TMEM108: variants seen among roughly 807,000 people sequenced by gnomAD.
TMEM108 encodes the protein transmembrane protein 108.
A neutral mutation model predicts 35.1 loss-of-function variants in TMEM108; 12 were observed. The ratio of observed to expected loss-of-function variants is 0.34; its 90% confidence interval spans 0.22 to 0.55. TMEM108 has a LOEUF of 0.55. Ranked by LOEUF, TMEM108 falls within the 20% of genes least tolerant of loss-of-function variation. The pLI, the probability that TMEM108 is intolerant of heterozygous loss-of-function variation, is 0.89. For missense variants in TMEM108, 680 were observed against 753.3 expected (o/e 0.90, Z 1.14); for synonymous variants, 287 against 308.6 (o/e 0.93, Z 0.73).
chr3:133,267,396 A>C (rs1446975868), intron 3 of TMEM108, among the ~76,000 whole-genome samples: 1 of 152,172 alleles, frequency 6.6e-6, no homozygotes, highest in Non-Finnish European at 1.5e-5. Flanking sequence ...AACGTCAATT[A>C]AGGCTTCCTG....
intron 3 of TMEM108, among the ~76,000 whole-genome samples, chr3:133,312,918 C>T (rs2071152462): frequency 6.6e-6 from 1 of 152,164 alleles, no homozygotes; most frequent in Non-Finnish European, 1.5e-5. Flanking sequence ...CTTACAGAAC[C>T]ACAGTAGAAT....
chr3:133,208,923 G>A (rs1945796789), intron 2 of TMEM108, among the ~76,000 whole-genome samples: 2 of 152,150 alleles, frequency 1.3e-5, no homozygotes, highest in African/African-American at 2.4e-5. Flanking sequence ...AGAGAAAATA[G>A]GGCATGATTC....
chr3:133,084,304 T>C (rs1943853091), intron 2 of TMEM108, among the ~76,000 whole-genome samples: 1 of 152,222 alleles, frequency 6.6e-6, no homozygotes, highest in Non-Finnish European at 1.5e-5. Flanking sequence ...TGCTTGATTT[T>C]TCCCTTCAAA....
chr3:133,134,516 T>G (rs943424458), intron 2 of TMEM108, among the ~76,000 whole-genome samples: 3 of 152,178 alleles, frequency 2.0e-5, no homozygotes, highest in African/African-American at 7.2e-5. Flanking sequence ...CCTAAAATGC[T>G]TGTAATTTCC....
intron 3 of TMEM108, among the ~76,000 whole-genome samples, chr3:133,364,190 G>C (rs1456943930): frequency 6.6e-6 from 1 of 152,252 alleles, no homozygotes; most frequent in African/African-American, 2.4e-5. Flanking sequence ...AATTGGGAGA[G>C]AGAAGTTTGA....
chr3:133,047,712 A>G (rs1003325931), intron 2 of TMEM108, among the ~76,000 whole-genome samples: 10 of 151,864 alleles, frequency 6.6e-5, no homozygotes, highest in Non-Finnish European at 4.4e-5. Context: ...CTGAAGGGAT[A>G]TAGTGATTCA....
chr3:133,046,898 G>A (rs1460873220), intron 2 of TMEM108, among the ~76,000 whole-genome samples: 1 of 152,116 alleles, frequency 6.6e-6, no homozygotes, highest in East Asian at 1.9e-4. Context: ...AAGCAGCTTG[G>A]CTCAATACTG....
intron 2 of TMEM108, among the ~76,000 whole-genome samples, chr3:133,180,883 A>G (rs1427729323): frequency 1.3e-5 from 2 of 151,938 alleles, no homozygotes; most frequent in African/African-American, 4.8e-5. Context: ...GCCTCCCAGT[A>G]AATTCCAATT....
At position 133,230,018 on chromosome 3, in the gene TMEM108, A is replaced by C. The variant is rs141486933; in HGVS notation, c.40+667A>C. 4.2e-3 allele frequency among the ~76,000 whole-genome samples: 642 copies of C among 152,362 alleles called. 8 individuals carry two copies. The highest frequency in any genetic ancestry group is 0.015 in the African/African-American group (626 of 41,590). ...ATTAGAATTGCTACTGAATGAATGT[A>C]AAAGCCAAAACCAATTGGTGGGTTT... On this transcript the variant is annotated intron_variant, in intron 3 of 5. Transcript: ENST00000321871.
intron 3 of TMEM108, among the ~76,000 whole-genome samples, chr3:133,266,219 G>A (rs1319899260): frequency 1.3e-5 from 2 of 151,726 alleles, no homozygotes; most frequent in African/African-American, 4.9e-5. Flanking sequence ...TTGTTTGTTT[G>A]TTTTACTAAT....
intron 3 of TMEM108, among the ~76,000 whole-genome samples, chr3:133,326,173 C>T (rs1049666291): frequency 5.3e-5 from 8 of 152,284 alleles, no homozygotes; most frequent in African/African-American, 1.7e-4. Flanking sequence ...CTGCCACTTC[C>T]GTAAGTGCTG....
intron 3 of TMEM108, among the ~76,000 whole-genome samples, chr3:133,316,529 T>A (rs916250238): frequency 3.3e-5 from 5 of 152,084 alleles, no homozygotes; most frequent in Non-Finnish European, 7.4e-5. Flanking sequence ...CTAGTGCTTG[T>A]CGAAAAAGGT....
intron 2 of TMEM108, among the ~76,000 whole-genome samples, chr3:133,225,288 C>T (rs13083001): frequency 0.76 from 116,157 of 151,936 alleles, 44,628 homozygotes; most frequent in East Asian, 0.95. Flanking sequence ...CCTCGTGATC[C>T]ACCCACCTTG....
intron 3 of TMEM108, among the ~76,000 whole-genome samples, chr3:133,342,978 G>A (rs980360219): frequency 6.6e-6 from 1 of 151,646 alleles, no homozygotes; most frequent in Non-Finnish European, 1.5e-5. Flanking sequence ...ACCCTGATTT[G>A]GTTATTACAC....
chr3:133,392,215 T>C (rs1033325685), intron 5 of TMEM108, among the ~76,000 whole-genome samples: 1 of 151,508 alleles, frequency 6.6e-6, no homozygotes, highest in African/African-American at 2.4e-5. Flanking sequence ...CAGACTGGAG[T>C]GCAGTGGTGT....
At chr3:133,321,106 C>T (rs1327463971) in intron 3 of TMEM108, among the ~76,000 whole-genome samples, 1 of 151,844 alleles carries the variant, frequency 6.6e-6, no homozygotes, top group Non-Finnish European at 1.5e-5. Context: ...AAAACAATAA[C>T]ACAAAAAAAC....
chr3:133,180,444 T>C (rs966370131), intron 2 of TMEM108, among the ~76,000 whole-genome samples: 4 of 152,162 alleles, frequency 2.6e-5, no homozygotes, highest in African/African-American at 9.6e-5. Flanking sequence ...ATCAATGTAA[T>C]AATAAAGGGT....
chr3:133,320,536 T>C (rs1335900610), intron 3 of TMEM108, among the ~76,000 whole-genome samples: 6 of 152,102 alleles, frequency 3.9e-5, no homozygotes, highest in South Asian at 2.1e-4. Flanking sequence ...CATACACAAA[T>C]GTAAGAATAA....
intron 2 of TMEM108, among the ~76,000 whole-genome samples, chr3:133,112,955 G>T (rs1319095086): frequency 2.0e-5 from 3 of 152,104 alleles, no homozygotes; most frequent in Non-Finnish European, 4.4e-5. Context: ...AAAACAAAAA[G>T]AAACCTAATA....
Sources: allele counts gnomAD v4.1 joint callset (sites outside exome capture counted in the v4.1 genomes callset), GRCh38; gene constraint gnomAD v4.1.1; transcripts MANE v1.5; gene names NCBI Gene and HGNC (gene_info 2026-07-23, HGNC 2026-07-21).